GRIA3: variants seen among roughly 807,000 people sequenced by gnomAD.
GRIA3 encodes glutamate ionotropic receptor AMPA type subunit 3.
GRIA3 carries 3 observed loss-of-function variants against 63.0 expected under a neutral mutation model. The ratio of observed to expected loss-of-function variants is 0.05; its 90% CI spans 0.02 to 0.12. The LOEUF (loss-of-function observed/expected upper bound fraction) is 0.12, where lower values mean the gene tolerates loss of function less well. Ranked by LOEUF, GRIA3 falls within the 10% of genes least tolerant of loss-of-function variation. The pLI, the probability that GRIA3 is intolerant of heterozygous loss-of-function variation, is 1.00. For missense variants in GRIA3, 347 were observed against 700.9 expected (o/e 0.50, Z 5.70); for synonymous variants, 274 against 257.9 (o/e 1.06, Z -0.60).
At chrX:123,303,390 T>G (rs2044735536) in intron 3 of GRIA3, among the ~76,000 whole-genome samples, 1 of 110,590 alleles carries the variant, frequency 9.0e-6, no homozygotes, top group Admixed American at 9.7e-5. Flanking sequence ...GAAAAGATGT[T>G]AAGGTGAAAT....
At chrX:123,217,034 G>A (rs1266570895) in intron 2 of GRIA3, among the ~76,000 whole-genome samples, 1 of 111,838 alleles carries the variant, frequency 8.9e-6, no homozygotes, top group African/African-American at 3.3e-5. Flanking sequence ...AGGGCAAAAG[G>A]TGCTGACAGG....
At chrX:123,266,797 A>G (rs1325409552) in intron 3 of GRIA3, among the ~76,000 whole-genome samples, 1 of 111,627 alleles carries the variant, frequency 9.0e-6, no homozygotes, top group East Asian at 2.8e-4. Context: ...AGTATGTCAC[A>G]TGGACTATGA....
intron 3 of GRIA3, among the ~76,000 whole-genome samples, chrX:123,286,619 G>A (rs2044621443): frequency 9.0e-6 from 1 of 111,639 alleles, no homozygotes; most frequent in African/African-American, 3.3e-5. Flanking sequence ...ACTACCATCA[G>A]AGAGTACTAT....
At chrX:123,191,045 G>A (rs1927419401) in intron 2 of GRIA3, among the ~76,000 whole-genome samples, 1 of 112,032 alleles carries the variant, frequency 8.9e-6, no homozygotes, top group South Asian at 3.8e-4. Context: ...TTAAGACAGG[G>A]CCAGAATTTT....
chrX:123,420,225 C>T (rs1184242161), intron 11 of GRIA3, among the ~76,000 whole-genome samples: 3 of 111,970 alleles, frequency 2.7e-5, no homozygotes, highest in Non-Finnish European at 5.6e-5. Context: ...TTACAGCATA[C>T]TTCATTTTGA....
chrX:123,187,198 G>C (rs1927302536), intron 2 of GRIA3, among the ~76,000 whole-genome samples: 1 of 111,747 alleles, frequency 8.9e-6, no homozygotes, highest in Non-Finnish European at 1.9e-5. Flanking sequence ...AGGATGCATG[G>C]TTTCCAGAAA....
chrX:123,390,116 T>C (rs1458172456), intron 5 of GRIA3, among the ~76,000 whole-genome samples: 1 of 112,279 alleles, frequency 8.9e-6, no homozygotes, highest in African/African-American at 3.2e-5. Flanking sequence ...TTATTTTGCA[T>C]ATACTTTGCT....
intron 12 of GRIA3, among the ~76,000 whole-genome samples, chrX:123,446,839 G>A (rs1360728086): frequency 9.0e-6 from 1 of 111,267 alleles, no homozygotes; most frequent in Non-Finnish European, 1.9e-5. Context: ...AAGGCAATCA[G>A]GTGAGTCTTA....
chrX:123,429,911 G>A (rs1241944884), intron 12 of GRIA3, among the ~76,000 whole-genome samples: 2 of 111,919 alleles, frequency 1.8e-5, no homozygotes, highest in Non-Finnish European at 3.8e-5. Context: ...ATTCCCATTA[G>A]GCTTTCAAAG....
intron 2 of GRIA3, among the ~76,000 whole-genome samples, chrX:123,229,475 G>A (rs142397190): frequency 0.02 from 2,252 of 111,528 alleles, 31 homozygotes; most frequent in Non-Finnish European, 0.035. Context: ...TTCCCTACCA[G>A]ATAGCACATC....
chrX:123,425,856 T>C (rs1403768501), intron 11 of GRIA3, among the ~76,000 whole-genome samples: 1 of 112,143 alleles, frequency 8.9e-6, no homozygotes, highest in Non-Finnish European at 1.9e-5. Context: ...AGTCAGTTTG[T>C]TATAGTTAAC....
intron 12 of GRIA3, among the ~76,000 whole-genome samples, chrX:123,462,153 A>G (rs1207577292): frequency 9.0e-6 from 1 of 111,292 alleles, no homozygotes; most frequent in Non-Finnish European, 1.9e-5. Flanking sequence ...CCTCTGGAAT[A>G]TCAGAATAGC....
chrX:123,373,281 T>C (rs890465104), intron 5 of GRIA3, among the ~76,000 whole-genome samples: 4 of 111,623 alleles, frequency 3.6e-5, no homozygotes, highest in Non-Finnish European at 7.5e-5. Flanking sequence ...GACATTTGGG[T>C]TGGTTCCAAG....
intron 4 of GRIA3, among the ~76,000 whole-genome samples, chrX:123,328,940 A>G (rs1324627557): frequency 8.9e-6 from 1 of 112,454 alleles, no homozygotes; most frequent in African/African-American, 3.2e-5. Flanking sequence ...TTATTTATAG[A>G]AAACATTTTT....
At chrX:123,442,511 T>C (rs1057128620) in intron 12 of GRIA3, among the ~76,000 whole-genome samples, 1 of 111,604 alleles carries the variant, frequency 9.0e-6, no homozygotes, top group South Asian at 3.8e-4. Flanking sequence ...ATAGATAAAA[T>C]GAGCTATATT....
chrX:123,209,440 G>A (rs923528074), intron 2 of GRIA3, among the ~76,000 whole-genome samples: 6 of 111,616 alleles, frequency 5.4e-5, no homozygotes, highest in Admixed American at 2.9e-4. Context: ...TATGAATAAT[G>A]TTGATGACCA....
At chrX:123,238,181 C>T (rs1309929968) in intron 2 of GRIA3, among the ~76,000 whole-genome samples, 1 of 111,631 alleles carries the variant, frequency 9.0e-6, no homozygotes, top group Non-Finnish European at 1.9e-5. Context: ...GATGCGTTCA[C>T]CTTCCCAACT....
At chrX:123,362,484 CT>C (rs1393630991) in intron 5 of GRIA3, among the ~76,000 whole-genome samples, 2 of 111,199 alleles carry the variant, frequency 1.8e-5, no homozygotes, top group Non-Finnish European at 3.8e-5. Context: ...CAGAAAACAG[CT>C]TGATGTCTTC....
intron 5 of GRIA3, among the ~76,000 whole-genome samples, chrX:123,385,934 T>C (rs1335439185): frequency 8.9e-6 from 1 of 112,298 alleles, no homozygotes; most frequent in Non-Finnish European, 1.9e-5. Flanking sequence ...TTTCTTTTCC[T>C]GTGGATAAAT....
Sources: allele counts gnomAD v4.1 joint callset (sites outside exome capture counted in the v4.1 genomes callset), GRCh38; gene constraint gnomAD v4.1.1; transcripts MANE v1.5; gene names NCBI Gene and HGNC (gene_info 2026-07-23, HGNC 2026-07-21).